TAFA5: variants seen among roughly 807,000 people sequenced by gnomAD.
The protein encoded by TAFA5 is TAFA chemokine like family member 5, also known as chemokine-like protein TAFA-5.
TAFA5 carries 6 observed loss-of-function variants against 15.3 expected under a neutral mutation model. That is an observed-to-expected ratio of 0.39 (90% CI 0.21 to 0.77). The LOEUF (loss-of-function observed/expected upper bound fraction) is 0.77, where lower values mean the gene tolerates loss of function less well. Among genes scored for constraint, TAFA5 ranks in the 30% least tolerant of loss-of-function variants. TAFA5 has a pLI of 0.41. For synonymous variants in TAFA5, 103 were observed against 80.7 expected, an observed-to-expected ratio of 1.28 and a Z score of -1.48; for missense variants, 161 against 193.1, an observed-to-expected ratio of 0.83 and a Z score of 0.98.
At position 48,504,045 on chromosome 22, in the gene TAFA5, C is replaced by T. The variant is rs529796480; in HGVS notation, c.112+14341C>T. On this transcript the variant is annotated intron_variant, in intron 1 of 3. Coordinates refer to ENST00000402357, the MANE Select transcript of TAFA5 (RefSeq NM_001082967.3). The stretch of plus-strand genomic sequence containing the variant: ...ACCCAGGTTCCACCCCAGAACTCAA[C>T]ACCCAGTTGCTCACTCTTCATTTCT... Among the ~76,000 whole-genome samples the T allele has an allele frequency of 8.7e-4, 132 of 152,374 alleles. 3 individuals are homozygous for T. Among genetic ancestry groups the T allele is most frequent in the South Asian group, 4.8e-3 (23 of 4,832 alleles).
In TAFA5 at chr22:48,528,412, C is replaced by A. The variant is rs111241074; in HGVS notation, c.112+38708C>A. On this transcript the variant is annotated intron_variant, in intron 1 of 3. Transcript: ENST00000402357. ...AGCCAAGGCCATAGTGAGGAGGCAC[C>A]CCTGGAAGGGCAGCCCCTGCAACCC... Among the ~76,000 whole-genome samples, 999 of 152,188 alleles carry A rather than the reference C, an allele frequency of 6.6e-3. 9 individuals are homozygous for A. Among genetic ancestry groups the A allele is most frequent in the African/African-American group, 0.023 (941 of 41,526 alleles).
chr22:48,587,749 C>T (rs1174335035), intron 1 of TAFA5, among the ~76,000 whole-genome samples: 2 of 152,228 alleles, frequency 1.3e-5, no homozygotes, highest in Non-Finnish European at 2.9e-5. Flanking sequence ...CAGCCACCCG[C>T]GTGAGCATGC....
chr22:48,536,707 G>A (rs1021749765), intron 1 of TAFA5, among the ~76,000 whole-genome samples: 1 of 152,180 alleles, frequency 6.6e-6, no homozygotes, highest in Admixed American at 6.5e-5. Context: ...CCTGTGCTGC[G>A]GGGAGGACAG....
At chr22:48,602,884 C>G (rs1039881111) in intron 1 of TAFA5, among the ~76,000 whole-genome samples, 1 of 152,150 alleles carries the variant, frequency 6.6e-6, no homozygotes, top group South Asian at 2.1e-4. Flanking sequence ...TTGAGACGTG[C>G]GGGGCTGGAG....
intron 3 of TAFA5, among the ~76,000 whole-genome samples, chr22:48,712,778 G>C (rs1422373429): frequency 6.6e-6 from 1 of 152,200 alleles, no homozygotes; most frequent in Non-Finnish European, 1.5e-5. Flanking sequence ...GACAGGCCTA[G>C]AGCTGCTGTC....
rs535446346 is a variant in TAFA5, at chr22:48,598,328, A to T, written c.113-48269A>T. The stretch of plus-strand genomic sequence containing the variant: ...CAGAAAAATCCAGAATCATTTGACC[A>T]AACCTGTGGGCACTGTGGCTCCGTC... On this transcript the variant is annotated intron_variant, in intron 1 of 3. Coordinates refer to ENST00000402357, the MANE Select transcript of TAFA5 (RefSeq NM_001082967.3). The surrounding 1 kb of genome is among the most constrained non-coding windows in gnomAD (Gnocchi z 4.0). Among the ~76,000 whole-genome samples, 56 of 152,304 alleles carry T rather than the reference A, an allele frequency of 3.7e-4. No homozygotes were observed. The highest frequency in any genetic ancestry group is 1.3e-3 in the African/African-American group (56 of 41,562).
At chr22:48,617,484 C>T (rs962518348) in intron 1 of TAFA5, among the ~76,000 whole-genome samples, 2 of 152,192 alleles carry the variant, frequency 1.3e-5, no homozygotes, top group Non-Finnish European at 2.9e-5. Context: ...TTACTGCAGC[C>T]GTGTGGAGCT....
At chr22:48,633,295 G>A (rs1309889964) in intron 1 of TAFA5, among the ~76,000 whole-genome samples, 1 of 152,230 alleles carries the variant, frequency 6.6e-6, no homozygotes, top group Non-Finnish European at 1.5e-5. Flanking sequence ...CATGGCTGTG[G>A]CCTGGGAGAC....
chr22:48,675,168 C>G (rs1046461735), intron 2 of TAFA5, among the ~76,000 whole-genome samples: 3 of 152,232 alleles, frequency 2.0e-5, no homozygotes, highest in African/African-American at 7.2e-5. Context: ...TCTCGAACTC[C>G]TGACGTCAGG....
In TAFA5 at chr22:48,593,701, G is replaced by A. The variant is rs546901610; in HGVS notation, c.113-52896G>A. On this transcript the variant is annotated intron_variant, in intron 1 of 3. Coordinates refer to ENST00000402357, the MANE Select transcript of TAFA5 (RefSeq NM_001082967.3). ...GGTGCAGTGAACTCTGGGAGCCGTCGCAGCCCAGGGAGTCCCCAAGGAAGG... is the reference window on the plus strand; with the variant it reads ...GGTGCAGTGAACTCTGGGAGCCGTCACAGCCCAGGGAGTCCCCAAGGAAGG... 6.3e-4 allele frequency among the ~76,000 whole-genome samples: 96 copies of A among 152,252 alleles called. 1 individual carries two copies. The highest frequency in any genetic ancestry group is 2.1e-3 in the African/African-American group (87 of 41,556).
In TAFA5 at chr22:48,490,598, G is replaced by A. The variant is rs1208435314; in HGVS notation, c.112+894G>A. Among the ~76,000 whole-genome samples the A allele has an allele frequency of 6.6e-6, 1 of 151,562 alleles. No individual in the cohort carries two copies. The highest frequency in any genetic ancestry group is 1.5e-5 in the Non-Finnish European group (1 of 67,840). ...CACGTTCGCGGCTGGTGGGGTAAGT[G>A]GGGGCCGCTCAGCGTCCCGGGCACA... On this transcript the variant is annotated intron_variant, in intron 1 of 3. Transcript: ENST00000402357. This position sits in a 1 kb window ranked among gnomAD's most constrained non-coding sequence, Gnocchi z 5.8.
At chr22:48,702,698 C>T (rs908459348) in intron 2 of TAFA5, among the ~76,000 whole-genome samples, 4 of 152,326 alleles carry the variant, frequency 2.6e-5, no homozygotes, top group Non-Finnish European at 4.4e-5. Flanking sequence ...CTGGGCACGC[C>T]GCTTCCCTTC....
intron 1 of TAFA5, among the ~76,000 whole-genome samples, chr22:48,596,739 C>T (rs563650079): frequency 1.0e-3 from 156 of 152,292 alleles, no homozygotes; most frequent in African/African-American, 3.5e-3. Context: ...GTGCGTCCAC[C>T]GAGATCGTAG....
In TAFA5 at chr22:48,511,732, C is replaced by T. The variant is rs1292245766; in HGVS notation, c.112+22028C>T. The stretch of plus-strand genomic sequence containing the variant: ...CAGGCCCTGACGCAGGCCCATCTCT[C>T]CAGGTATCGGAAATGAAGCATCACC... On this transcript the variant is annotated intron_variant, in intron 1 of 3. Coordinates refer to ENST00000402357, the MANE Select transcript of TAFA5 (RefSeq NM_001082967.3). 2.6e-5 allele frequency among the ~76,000 whole-genome samples: 4 copies of T among 152,242 alleles called. No homozygotes were observed. In the East Asian group the frequency reaches 7.7e-4, roughly 29 times the overall value.
chr22:48,723,856 C>A (rs949461474), intron 3 of TAFA5, among the ~76,000 whole-genome samples: 8 of 152,346 alleles, frequency 5.3e-5, no homozygotes, highest in Middle Eastern at 6.8e-3. Flanking sequence ...AAGGCACAGA[C>A]AAGTTCTCTG....
At chr22:48,632,756 A>G (rs5771623) in intron 1 of TAFA5, among the ~76,000 whole-genome samples, 130,679 of 152,212 alleles carry the variant, frequency 0.86, 56,561 homozygotes, top group African/African-American at 0.96. Flanking sequence ...CCTGACGGGG[A>G]GCAGCAGAGG....
chr22:48,711,925 G>A (rs376186956), intron 3 of TAFA5, among the ~76,000 whole-genome samples: 12 of 152,236 alleles, frequency 7.9e-5, no homozygotes, highest in African/African-American at 2.4e-4. Flanking sequence ...CGCCTAGCAC[G>A]GGCGCTGGGC....
At chr22:48,493,070 A>G (rs953123067) in intron 1 of TAFA5, among the ~76,000 whole-genome samples, 1 of 152,170 alleles carries the variant, frequency 6.6e-6, no homozygotes, top group African/African-American at 2.4e-5. Flanking sequence ...GAACAGCAGC[A>G]AGGGAGAGAA....
In TAFA5 at chr22:48,617,050, C is replaced by G. The variant is rs367715214; in HGVS notation, c.113-29547C>G. On this transcript the variant is annotated intron_variant, in intron 1 of 3. Transcript: ENST00000402357. The stretch of plus-strand genomic sequence containing the variant: ...TCACTCGGGGGATGCCCTGTGCAGA[C>G]CCAGCGTGTGGTTGGCTGAACAATG... 7.2e-5 allele frequency among the ~76,000 whole-genome samples: 11 copies of G among 152,282 alleles called. No individual in the cohort carries two copies. In the East Asian group the frequency reaches 1.5e-3, roughly 21 times the overall value.
Sources: allele counts gnomAD v4.1 joint callset (sites outside exome capture counted in the v4.1 genomes callset), GRCh38; gene constraint gnomAD v4.1.1; non-coding constraint Gnocchi (gnomAD v3.1); transcripts MANE v1.5; gene names NCBI Gene and HGNC (gene_info 2026-07-23, HGNC 2026-07-21).